TPRG1: variants seen among roughly 807,000 people sequenced by gnomAD.
TPRG1 encodes tumor protein p63 regulated 1, also known as tumor protein p63-regulated gene 1 protein.
Under a neutral mutation model 29.3 loss-of-function variants are expected in TPRG1, and 29 were observed. The ratio of observed to expected loss-of-function variants is 0.99; its 90% CI spans 0.74 to 1.35. TPRG1 has a LOEUF of 1.35. TPRG1 is among the 40% of genes most tolerant of loss of function. TPRG1 has a pLI of 0.00. For missense variants in TPRG1, 327 were observed against 335.0 expected (o/e 0.98, Z 0.19); for synonymous variants, 130 against 116.8 (o/e 1.11, Z -0.73).
intron 2 of TPRG1, among the ~76,000 whole-genome samples, chr3:189,004,332 CTG>C (rs753116542): frequency 2.6e-5 from 4 of 152,144 alleles, no homozygotes; most frequent in Admixed American, 6.6e-5. Flanking sequence ...TTCCTAGTCA[CTG>C]TGTGTTTCCT....
At chr3:189,013,101 A>T (rs1712690299) in intron 3 of TPRG1, among the ~76,000 whole-genome samples, 1 of 151,870 alleles carries the variant, frequency 6.6e-6, no homozygotes, top group South Asian at 2.1e-4. Context: ...TAGTTCTTTT[A>T]GTGATGTTAG....
At chr3:189,083,591 T>G (rs544564124) in intron 4 of TPRG1, among the ~76,000 whole-genome samples, 16 of 152,322 alleles carry the variant, frequency 1.1e-4, no homozygotes, top group African/African-American at 3.8e-4. Flanking sequence ...ATCTGGAAAA[T>G]GAGGATTTGG....
In TPRG1 at chr3:189,238,726, C is replaced by G; in HGVS notation, c.303-7C>G. ...TCAATTTTTATTTGCTATGATGATT[C>G]CTATAGGATAGACCACTGGAACAAT... On this transcript the variant is annotated splice_polypyrimidine_tract_variant and splice_region_variant and intron_variant, in intron 3 of 5. Coordinates refer to ENST00000345063, the MANE Select transcript of TPRG1 (RefSeq NM_198485.4). The G allele has an allele frequency of 6.3e-7, 1 of 1,588,854 alleles. No individual in the cohort carries two copies. The highest frequency in any genetic ancestry group is 8.6e-7 in the Non-Finnish European group (1 of 1,165,084).
At position 189,245,031 on chromosome 3, in the gene TPRG1, C is replaced by T. The variant is rs138922838; in HGVS notation, c.479+6122C>T. Among the ~76,000 whole-genome samples the T allele has an allele frequency of 4.1e-3, 628 of 152,284 alleles. 2 individuals carry two copies. The highest frequency in any genetic ancestry group is 0.015 in the African/African-American group (610 of 41,546). ...CACCTCCGGAGTTCAAGCGATTCTCCTGCCTCAGCCTCCCAAGTAGCTGAG... is the reference window on the plus strand; with the variant it reads ...CACCTCCGGAGTTCAAGCGATTCTCTTGCCTCAGCCTCCCAAGTAGCTGAG... On this transcript the variant is annotated intron_variant, in intron 4 of 5. Transcript: ENST00000345063.
At chr3:189,194,847 G>T (rs1381704799) in intron 1 of TPRG1, among the ~76,000 whole-genome samples, 1 of 152,072 alleles carries the variant, frequency 6.6e-6, no homozygotes, top group African/African-American at 2.4e-5. Context: ...GTGGAGCATG[G>T]CTATTATCTG....
At position 189,021,557 on chromosome 3, in the gene TPRG1, C is replaced by T. The variant is rs528473682; in HGVS notation, c.-659-2193C>T. Among the ~76,000 whole-genome samples the T allele has an allele frequency of 5.9e-3, 901 of 152,146 alleles. 5 individuals are homozygous for T. The highest frequency in any genetic ancestry group is 9.4e-3 in the Non-Finnish European group (638 of 68,014). The stretch of plus-strand genomic sequence containing the variant: ...TTTTCTTTAAGAATGTTGAATATTA[C>T]CCCCCACTCTCTTCTGGCTTGTAGG... On this transcript the variant is annotated intron_variant, in intron 3 of 10. Transcript: ENST00000433971.
intron 1 of TPRG1, among the ~76,000 whole-genome samples, chr3:189,113,833 G>A (rs574046193): frequency 6.6e-6 from 1 of 152,000 alleles, no homozygotes; most frequent in East Asian, 1.9e-4. Context: ...ACGAGTTAAT[G>A]GGTGCAGCAC....
At chr3:189,293,428 C>T (rs943733216) in intron 4 of TPRG1, among the ~76,000 whole-genome samples, 2 of 152,128 alleles carry the variant, frequency 1.3e-5, no homozygotes, top group African/African-American at 2.4e-5. Flanking sequence ...CTCTCTCACC[C>T]CTGAAAAGGG....
chr3:189,168,800 G>A (rs528787480), upstream of TPRG1, among the ~76,000 whole-genome samples: 4 of 152,308 alleles, frequency 2.6e-5, no homozygotes, highest in South Asian at 6.2e-4. Context: ...TGGGATTCTT[G>A]TAGACAGTAC....
chr3:189,087,015 T>C (rs1202998782), intron 4 of TPRG1, among the ~76,000 whole-genome samples: 1 of 152,222 alleles, frequency 6.6e-6, no homozygotes, highest in Non-Finnish European at 1.5e-5. Flanking sequence ...CCTTTGGGTA[T>C]ATACCCAGTA....
chr3:189,260,111 T>C (rs1712736067), intron 4 of TPRG1, among the ~76,000 whole-genome samples: 1 of 152,092 alleles, frequency 6.6e-6, no homozygotes, highest in South Asian at 2.1e-4. Context: ...CTGGAGCAAG[T>C]TACTTAACAA....
At chr3:189,189,909 A>G (rs1289143392) in intron 1 of TPRG1, among the ~76,000 whole-genome samples, 1 of 152,218 alleles carries the variant, frequency 6.6e-6, no homozygotes, top group South Asian at 2.1e-4. Flanking sequence ...CCTATTTTAG[A>G]TGGGATGCAG....
At chr3:189,143,632 C>T (rs542899530) in intron 3 of TPRG1, among the ~76,000 whole-genome samples, 2 of 152,154 alleles carry the variant, frequency 1.3e-5, no homozygotes, top group African/African-American at 4.8e-5. Context: ...TAGGAAGTAA[C>T]CTCTTAATTC....
intron 3 of TPRG1, among the ~76,000 whole-genome samples, chr3:189,232,413 G>C (rs1157170848): frequency 6.6e-6 from 1 of 152,202 alleles, no homozygotes; most frequent in Non-Finnish European, 1.5e-5. Flanking sequence ...CCTTTTTCAA[G>C]GGCATCGAAT....
chr3:189,078,537 G>C (rs1291762433), intron 4 of TPRG1, among the ~76,000 whole-genome samples: 2 of 152,202 alleles, frequency 1.3e-5, no homozygotes, highest in African/African-American at 4.8e-5. Flanking sequence ...AAGGAAGGTA[G>C]ACCTGGAATT....
intron 3 of TPRG1, chr3:189,217,995 C>T (rs1316159083): frequency 1.0e-6 from 1 of 985,286 alleles, no homozygotes; most frequent in Non-Finnish European, 1.2e-6. Context: ...AACATGCAGG[C>T]CCAGAAAGGT....
intron 3 of TPRG1, among the ~76,000 whole-genome samples, chr3:189,237,692 C>A (rs1258524682): frequency 6.6e-6 from 1 of 152,038 alleles, no homozygotes; most frequent in South Asian, 2.1e-4. Context: ...ATAAAGTGAA[C>A]AAGGAGTGAC....
chr3:189,320,839 A>T lies in TPRG1; in HGVS notation c.*19A>T. ...TTTTTGAGAGTCTTTTTGGTACCAT[A>T]AGCATATCATCCACAGATATGTCAC... On this transcript the variant is annotated 3_prime_UTR_variant, in exon 6 of 6. Coordinates refer to ENST00000345063, the MANE Select transcript of TPRG1 (RefSeq NM_198485.4). 1 of 1,530,866 alleles carries T rather than the reference A, an allele frequency of 6.5e-7. No homozygotes were observed. Among genetic ancestry groups the T allele is most frequent in the Non-Finnish European group, 8.8e-7 (1 of 1,137,848 alleles). The allele number at this position is 1,530,866 out of a possible 1,614,324, so 94.8% of individuals were successfully genotyped here.
rs10576562 is a variant in TPRG1, at chr3:189,231,943, T to TTGTGTGTGTG, written c.303-6768_303-6759dup. 9.3e-3 allele frequency among the ~76,000 whole-genome samples: 1,380 copies of TTGTGTGTGTG among 147,688 alleles called. 15 individuals carry two copies. The highest frequency in any genetic ancestry group is 0.029 in the African/African-American group (1,157 of 40,428). ...AAATTTCAGAAGCTTCAAACCTGGT[T>TTGTGTGTGTG]TGTGTGTGTGTGTGTGTGTGTGTGT... On this transcript the variant is annotated intron_variant, in intron 3 of 5. Transcript: ENST00000345063.
Sources: allele counts gnomAD v4.1 joint callset (sites outside exome capture counted in the v4.1 genomes callset), GRCh38; gene constraint gnomAD v4.1.1; transcripts MANE v1.5; gene names NCBI Gene and HGNC (gene_info 2026-07-23, HGNC 2026-07-21).